The following ABCB5 variants were observed in gnomAD, a reference collection of about 807,000 sequenced individuals.
The protein encoded by ABCB5 is ATP binding cassette subfamily B member 5, also known as ATP-binding cassette sub-family B member 5.
ABCB5 carries 155 observed loss-of-function variants against 144.2 expected under a neutral mutation model. The observed-to-expected ratio is 1.08, with a 90% CI of 0.94 to 1.23. ABCB5 has a LOEUF of 1.23. Ranked by LOEUF, ABCB5 falls within the 50% of genes most tolerant of loss-of-function variation. ABCB5 has a pLI of 0.00. For missense variants in ABCB5, 1,830 were observed against 1,520.8 expected, an observed-to-expected ratio of 1.20 and a Z score of -3.38; for synonymous variants, 610 against 528.6, an observed-to-expected ratio of 1.15 and a Z score of -2.11.
chr7:20,632,482 A>T (rs1784058825), intron 5 of ABCB5, among the ~76,000 whole-genome samples: 1 of 152,144 alleles, frequency 6.6e-6, no homozygotes, highest in South Asian at 2.1e-4. Context: ...CTATTTCCTT[A>T]CCATTTGACC....
rs1485838238 is a variant in ABCB5 at position 20,723,201 on chromosome 7, A to G, written c.2607A>G (p.Glu869=). ...GATTTGCCAACAAAGATAAGCAAGA[A>G]CTTAAGCATGCTGGAAAGGTAAAAT... The part of the protein sequence containing the change: ...MTGFANKDKQ[E]LKHAGKIATE... The change falls in exon 21 of 28, where the codon GAA becomes GAG. Residue 869 remains glutamate, a synonymous_variant. Transcript: ENST00000404938. 1.2e-6 allele frequency: 2 copies of G among 1,614,056 alleles called. No individual in the cohort carries two copies.
chr7:20,648,513 C>T (rs1784482444), intron 11 of ABCB5, among the ~76,000 whole-genome samples: 1 of 152,120 alleles, frequency 6.6e-6, no homozygotes, highest in African/African-American at 2.4e-5. Context: ...TACTTTATCG[C>T]CTTTACACAC....
chr7:20,656,254 TA>T (rs1195482625), intron 13 of ABCB5, among the ~76,000 whole-genome samples: 11 of 151,758 alleles, frequency 7.2e-5, no homozygotes, highest in Admixed American at 5.3e-4. Context: ...AGCATTACTA[TA>T]AAAAAAAGAT....
intron 1 of ABCB5, among the ~76,000 whole-genome samples, chr7:20,621,549 A>G (rs961679393): frequency 6.6e-6 from 1 of 152,146 alleles, no homozygotes; most frequent in African/African-American, 2.4e-5. Flanking sequence ...AAGGAAACAT[A>G]TCTTTTGATT....
chr7:20,685,581 A>G, intron 15 of ABCB5, 115 bp from the exon 16 acceptor site: 1 of 921,878 alleles, frequency 1.1e-6, no homozygotes, highest in South Asian at 2.0e-5. Context: ...GAACTACATT[A>G]GAATATGCCA....
chr7:20,629,142 C>CTGTGTGTG (rs1486662796), intron 4 of ABCB5, among the ~76,000 whole-genome samples: 4 of 41,694 alleles, frequency 9.6e-5, no homozygotes, highest in Non-Finnish European at 1.1e-4. Flanking sequence ...GAGAGAGAGA[C>CTGTGTGTG]TGCGTGTGTG....
At chr7:20,700,240 A>G (rs1256939397) in intron 19 of ABCB5, 105 bp downstream of exon 19, 2 of 1,017,794 alleles carry the variant, frequency 2.0e-6, no homozygotes, top group African/African-American at 3.3e-5. Context: ...CTTTCTTTGA[A>G]AGCACACTCT....
chr7:20,731,078 G>C (rs149098253), intron 23 of ABCB5, among the ~76,000 whole-genome samples: 4,147 of 152,044 alleles, frequency 0.027, 174 homozygotes, highest in African/African-American at 0.095. Flanking sequence ...AAGAAGGCCA[G>C]GCACGGTGGC....
Position 20,623,282 on chromosome 7 carries a change from TAA to T in ABCB5, c.-3_-2del, listed in dbSNP as rs1783839148. The T allele has an allele frequency of 2.6e-6, 4 of 1,534,420 alleles. No homozygotes were observed. Among genetic ancestry groups the T allele is most frequent in the African/African-American group, 1.4e-5 (1 of 72,680 alleles). On this transcript the variant is annotated 5_prime_UTR_variant, in exon 2 of 28. It adds an upstream start codon to the 5' untranslated region. Transcript: ENST00000404938. Reference sequence around the variant, plus strand: ...TATTTCAGAAGAAGTAAATTGTAAATAAGATGGAAAATTCAGAAAGAGCTGAA... The same window carrying T: ...TATTTCAGAAGAAGTAAATTGTAAATGATGGAAAATTCAGAAAGAGCTGAA...
chr7:20,681,732 G>T, intron 15 of ABCB5, 66 bp downstream of exon 15: 2 of 1,523,246 alleles, frequency 1.3e-6, no homozygotes, highest in South Asian at 2.6e-5. Context: ...TACCACACTA[G>T]AAAACAAAAG....
intron 8 of ABCB5, 25 bp from the exon 9 acceptor site, chr7:20,645,936 C>CA: frequency 6.2e-7 from 1 of 1,612,534 alleles, no homozygotes; most frequent in East Asian, 2.2e-5. Flanking sequence ...CCAGTGGCTA[C>CA]TAAGTTGTGT....
chr7:20,628,411 A>C (rs865926429), intron 3 of ABCB5, among the ~76,000 whole-genome samples: 1 of 152,106 alleles, frequency 6.6e-6, no homozygotes, highest in African/African-American at 2.4e-5. Context: ...TCTATCATTG[A>C]TAGATATTTG....
intron 20 of ABCB5, among the ~76,000 whole-genome samples, chr7:20,711,820 C>T (rs1326076849): frequency 3.8e-5 from 2 of 52,412 alleles, no homozygotes; most frequent in Non-Finnish European, 6.0e-5. Context: ...TTCTTTCTTT[C>T]TTTCTTTCTT....
intron 17 of ABCB5, among the ~76,000 whole-genome samples, 173 bp from the exon 18 acceptor site, chr7:20,699,652 G>A (rs563158673): frequency 6.6e-6 from 1 of 151,750 alleles, no homozygotes; most frequent in African/African-American, 2.4e-5. Flanking sequence ...ATTGAGCCAA[G>A]ACTGAGATCG....
At chr7:20,643,990 T>C (rs1002232730) in intron 7 of ABCB5, among the ~76,000 whole-genome samples, 1 of 152,196 alleles carries the variant, frequency 6.6e-6, no homozygotes, top group Non-Finnish European at 1.5e-5. Flanking sequence ...CAGATCAACA[T>C]GGTACGATTC....
At chr7:20,711,174 T>A (rs1787014888) in intron 20 of ABCB5, among the ~76,000 whole-genome samples, 1 of 149,800 alleles carries the variant, frequency 6.7e-6, no homozygotes, top group South Asian at 2.1e-4. Flanking sequence ...TTAACAATCA[T>A]CTTTTATTAA....
Position 20,623,266 on chromosome 7 carries a change from A to G in ABCB5, c.-20A>G. Reference sequence around the variant, plus strand: ...ACATTTGTTAAAATTGTATTTCAGAAGAAGTAAATTGTAAATAAGATGGAA... The same window carrying G: ...ACATTTGTTAAAATTGTATTTCAGAGGAAGTAAATTGTAAATAAGATGGAA... On this transcript the variant is annotated splice_region_variant and 5_prime_UTR_variant, in exon 2 of 28. Transcript: ENST00000404938. The G allele has an allele frequency of 2.0e-6, 3 of 1,485,908 alleles. No individual in the cohort carries two copies. The highest frequency in any genetic ancestry group is 2.8e-6 in the Non-Finnish European group (3 of 1,087,786). The allele number at this position is 1,485,908 out of a possible 1,614,324, so 92.0% of individuals were successfully genotyped here.
intron 25 of ABCB5, among the ~76,000 whole-genome samples, chr7:20,743,488 A>C (rs1782625059): frequency 6.6e-6 from 1 of 152,098 alleles, no homozygotes; most frequent in Admixed American, 6.5e-5. Flanking sequence ...CCAACTGTCA[A>C]AACTTTATGC....
chr7:20,655,218 T>C (rs1325195853), intron 13 of ABCB5, among the ~76,000 whole-genome samples: 2 of 152,140 alleles, frequency 1.3e-5, no homozygotes, highest in Non-Finnish European at 2.9e-5. Context: ...AGTCCTGTAA[T>C]CCCAGCACTT....
Sources: allele counts gnomAD v4.1 joint callset (sites outside exome capture counted in the v4.1 genomes callset), GRCh38; gene constraint gnomAD v4.1.1; transcripts MANE v1.5; gene names NCBI Gene and HGNC (gene_info 2026-07-23, HGNC 2026-07-21).